NFATC2: variants seen among roughly 807,000 people sequenced by gnomAD.
NFATC2 encodes the protein nuclear factor of activated T-cells, cytoplasmic 2.
NFATC2 carries 22 observed loss-of-function variants against 87.3 expected under a neutral mutation model. The ratio of observed to expected loss-of-function variants is 0.25; its 90% CI spans 0.18 to 0.36. NFATC2 has a LOEUF of 0.36. Among genes scored for constraint, NFATC2 ranks in the 10% least tolerant of loss-of-function variants. The pLI is 1.00. For synonymous variants in NFATC2, 565 were observed against 542.2 expected (o/e 1.04, Z -0.58); for missense variants, 1,149 against 1,259.1 (o/e 0.91, Z 1.32).
intron 9 of NFATC2, among the ~76,000 whole-genome samples, chr20:51,427,277 G>A (rs1473260755): frequency 6.6e-6 from 1 of 152,120 alleles, no homozygotes; most frequent in African/African-American, 2.4e-5. Context: ...ATGCACCACA[G>A]AGCGCTAGTA....
At chr20:51,433,482 GC>G (rs1368856921) in intron 8 of NFATC2, among the ~76,000 whole-genome samples, 3 of 152,090 alleles carry the variant, frequency 2.0e-5, no homozygotes, top group Non-Finnish European at 4.4e-5. Context: ...GAGTACAGTG[GC>G]TGGCATACAG....
chr20:51,400,656 T>C (rs1183874087), intron 9 of NFATC2, among the ~76,000 whole-genome samples: 6 of 152,148 alleles, frequency 3.9e-5, no homozygotes, highest in Non-Finnish European at 1.5e-5. Flanking sequence ...GCAGGGCCTG[T>C]CTTCATTCAA....
intron 6 of NFATC2, among the ~76,000 whole-genome samples, chr20:51,449,574 C>A (rs919609582): frequency 2.0e-5 from 3 of 152,154 alleles, no homozygotes; most frequent in South Asian, 2.1e-4. Flanking sequence ...GGATCTCTAT[C>A]GCCACAAAAT....
In NFATC2 at chr20:51,455,618, T is replaced by C. The variant is rs957333648; in HGVS notation, c.1709-930A>G. 2.8e-5 allele frequency among the ~76,000 whole-genome samples: 4 copies of C among 144,066 alleles called. No homozygotes were observed. In the East Asian group the frequency reaches 6.1e-4, roughly 22 times the overall value. The allele number at this position is 144,066 out of a possible 152,430, so 94.5% of individuals were successfully genotyped here. ...TTCTTTCATCTTTAACCTACTAGCA[T>C]ATAAGCCCAGGAAGGAGGGGCTTCG... On this transcript the variant is annotated intron_variant, in intron 5 of 10. Transcript: ENST00000371564.
intron 1 of NFATC2, among the ~76,000 whole-genome samples, chr20:51,537,114 G>A (rs1005691738): frequency 3.9e-5 from 6 of 152,178 alleles, no homozygotes; most frequent in East Asian, 1.9e-4. Context: ...TGAATGGGTC[G>A]AGAGCAGGTG....
intron 9 of NFATC2, among the ~76,000 whole-genome samples, chr20:51,418,999 A>G (rs1371524221): frequency 1.3e-5 from 2 of 150,080 alleles, no homozygotes; most frequent in Non-Finnish European, 2.9e-5. Flanking sequence ...ACCACCTGAC[A>G]TTATAATATA....
chr20:51,522,403 C>T (rs1365119164), intron 2 of NFATC2, among the ~76,000 whole-genome samples: 1 of 152,116 alleles, frequency 6.6e-6, no homozygotes, highest in East Asian at 1.9e-4. Flanking sequence ...CTTTCACAAG[C>T]ACAGCAGCAG....
chr20:51,507,989 C>T (rs2076212919), intron 3 of NFATC2, among the ~76,000 whole-genome samples: 1 of 152,208 alleles, frequency 6.6e-6, no homozygotes. Context: ...ACGAGGGCCC[C>T]AACATTTATT....
intron 1 of NFATC2, among the ~76,000 whole-genome samples, chr20:51,534,490 A>T (rs2146772809): frequency 6.6e-6 from 1 of 152,278 alleles, no homozygotes; most frequent in East Asian, 1.9e-4. Flanking sequence ...GCCTGCCACC[A>T]TGCCCAGCTA....
intron 3 of NFATC2, among the ~76,000 whole-genome samples, chr20:51,494,159 T>C (rs545988556): frequency 6.6e-6 from 1 of 151,994 alleles, no homozygotes; most frequent in African/African-American, 2.4e-5. Context: ...ATGAGTCCTC[T>C]TTTGAATGTG....
At chr20:51,430,284 C>T (rs1982499637) in intron 9 of NFATC2, among the ~76,000 whole-genome samples, 1 of 152,194 alleles carries the variant, frequency 6.6e-6, no homozygotes, top group Non-Finnish European at 1.5e-5. Flanking sequence ...ATCGATCCCC[C>T]AGGGCCTCAC....
intron 3 of NFATC2, among the ~76,000 whole-genome samples, chr20:51,505,366 ATAAAG>A (rs966098085): frequency 2.6e-5 from 4 of 151,930 alleles, no homozygotes; most frequent in African/African-American, 7.3e-5. Flanking sequence ...AGAGCTAAAA[ATAAAG>A]TAAAATAATT....
rs562384354 is a variant in NFATC2 at position 51,481,649 on chromosome 20, C to T, written c.1333-5989G>A. ...TGGGGGCCCAGGCTGCAGCTTGGTG[C>T]GACTTCCATCCACCAACCTTCCCAT... On this transcript the variant is annotated intron_variant, in intron 3 of 10. Coordinates refer to ENST00000371564, the MANE Select transcript of NFATC2 (RefSeq NM_012340.5). Among the ~76,000 whole-genome samples, 114 of 152,208 alleles carry T rather than the reference C, an allele frequency of 7.5e-4. No individual in the cohort carries two copies. The Middle Eastern group carries it at 0.017, about 23-fold the overall frequency.
intron 9 of NFATC2, among the ~76,000 whole-genome samples, chr20:51,410,271 A>G (rs1185918966): frequency 1.3e-5 from 2 of 151,818 alleles, no homozygotes; most frequent in Non-Finnish European, 2.9e-5. Context: ...GAATTTGAAC[A>G]CTGAGTTTGA....
At chr20:51,435,056 G>T in intron 8 of NFATC2, 132 bp downstream of exon 8, 1 of 1,108,242 alleles carries the variant, frequency 9.0e-7, no homozygotes, top group Non-Finnish European at 1.3e-6. Context: ...TCTCACAGAT[G>T]ATGCAACTGA....
intron 5 of NFATC2, among the ~76,000 whole-genome samples, chr20:51,459,393 G>A (rs771713873): frequency 3.8e-4 from 58 of 152,144 alleles, no homozygotes; most frequent in Non-Finnish European, 6.8e-4. Context: ...CTCACTGGGG[G>A]GTGGAAATTG....
At chr20:51,509,464 C>T (rs1446279360) in intron 3 of NFATC2, among the ~76,000 whole-genome samples, 1 of 152,084 alleles carries the variant, frequency 6.6e-6, no homozygotes, top group Non-Finnish European at 1.5e-5. Context: ...ACATTCTCCT[C>T]CTCCAATTTT....
chr20:51,479,241 G>A (rs1454432627), intron 3 of NFATC2, among the ~76,000 whole-genome samples: 1 of 152,182 alleles, frequency 6.6e-6, no homozygotes, highest in Non-Finnish European at 1.5e-5. Flanking sequence ...TCTCCTGCCT[G>A]AACGTGAGTT....
chr20:51,494,507 G>T (rs1018814745), intron 3 of NFATC2, among the ~76,000 whole-genome samples: 2 of 152,104 alleles, frequency 1.3e-5, no homozygotes, highest in Admixed American at 6.5e-5. Context: ...CTTTTCTTCT[G>T]CTACTACTAC....
Sources: gnomAD v4.1 joint callset for allele counts (sites outside exome capture counted in the v4.1 genomes callset) on GRCh38, gnomAD v4.1.1 for gene constraint, MANE v1.5 for transcripts, NCBI Gene and HGNC (gene_info 2026-07-23, HGNC 2026-07-21) for gene names.